Variants in UBALD1 observed in about 807,000 individuals in gnomAD.
The protein encoded by UBALD1 is UBA-like domain-containing protein 1.
Under a neutral mutation model 16.1 loss-of-function variants are expected in UBALD1, and 5 were observed. The ratio of observed to expected loss-of-function variants is 0.31; its 90% confidence interval spans 0.16 to 0.66. The LOEUF is 0.66. Ranked by LOEUF, UBALD1 falls within the 30% of genes least tolerant of loss-of-function variation. The probability of loss-of-function intolerance (pLI) is 0.77; values close to 1 mark genes in which losing one functional copy is unlikely to be tolerated. For missense variants in UBALD1, 220 were observed against 252.8 expected, an observed-to-expected ratio of 0.87 and a Z score of 0.88; for synonymous variants, 146 against 105.3, an observed-to-expected ratio of 1.39 and a Z score of -2.37.
Position 4,609,960 on chromosome 16 carries a change from A to G in UBALD1, c.207T>C (p.Pro69=). ...CGTCAGGGAAGTTGGGGGGTGTAGC[A>G]GGGGTATTGGCGGGGGTGCACATCT... ...HQMMCTPANT[P]ATPPNFPDAL... is the part of the protein sequence containing the mutation. Residue 69 remains proline (P), a synonymous_variant, in exon 3 of 3, where the codon CCT becomes CCC. Transcript: ENST00000283474. 6.5e-7 allele frequency: 1 copy of G among 1,541,864 alleles called. No homozygotes were observed. The highest frequency in any genetic ancestry group is 2.3e-5 in the East Asian group (1 of 43,402).
intron 1 of UBALD1, 83 bp from the exon 2 acceptor site, chr16:4,610,638 G>C: frequency 4.0e-6 from 6 of 1,499,192 alleles, no homozygotes; most frequent in Non-Finnish European, 5.4e-6. Flanking sequence ...CTCTGAGGCT[G>C]GGGATGACCC....
chr16:4,609,533 A>T lies in UBALD1; in HGVS notation c.*100T>A. ...GCTCTCCCCTCCAGGGCTCCGGGGA[A>T]CAAGGGGTGCAGACAGAAAAGGGGT... On this transcript the variant is annotated 3_prime_UTR_variant, in exon 3 of 3. Transcript: ENST00000283474. 2.0e-6 allele frequency: 1 copy of T among 496,892 alleles called. No individual in the cohort carries two copies. The highest frequency in any genetic ancestry group is 4.0e-5 in the Admixed American group (1 of 24,996). The allele number at this position is 496,892 out of a possible 1,614,324, so 30.8% of individuals were successfully genotyped here. A position where few individuals can be genotyped will look rare whatever the true frequency, so the allele number is the denominator to read the frequency against.
In UBALD1 at chr16:4,609,764, G is replaced by A; in HGVS notation, c.403C>T (p.Gln135Ter). 6.6e-7 allele frequency: 1 copy of A among 1,507,262 alleles called. No homozygotes were observed. The allele number at this position is 1,507,262 out of a possible 1,614,324, so 93.4% of individuals were successfully genotyped here. The change falls in exon 3 of 3, where the codon CAG (glutamine) becomes TAG (stop). Residue 135 changes from glutamine (Q) to a stop codon, truncating the protein, a stop_gained. Transcript: ENST00000283474. LOFTEE classifies it high-confidence loss of function. ...PTAASPPGGPQHHQPQPPLWT... is the reference protein window; with the variant it reads ...PTAASPPGGP ...AGGGGCGGCTGTGGCTGGTGGTGCT[G>A]TGGGCCCCCCGGGGGCGAGGCCGCC...
chr16:4,609,416 C>T lies in UBALD1; in HGVS notation c.*217G>A. The T allele has an allele frequency of 2.5e-6, 1 of 397,674 alleles. No homozygotes were observed. The highest frequency in any genetic ancestry group is 3.6e-5 in the East Asian group (1 of 27,702). 24.6% of individuals were successfully genotyped at this position (397,674 alleles called of 1,614,324 possible). ...CAGGCACCCAGGCCGCGCTGAACCACTCCATGTGCCGGGGCCGCTGGGGCC... is the reference window on the plus strand; with the variant it reads ...CAGGCACCCAGGCCGCGCTGAACCATTCCATGTGCCGGGGCCGCTGGGGCC... On this transcript the variant is annotated 3_prime_UTR_variant, in exon 3 of 3. Coordinates refer to ENST00000283474, the MANE Select transcript of UBALD1 (RefSeq NM_145253.3).
In UBALD1 at chr16:4,608,907, T is replaced by G. The variant is rs1897321651; in HGVS notation, c.*726A>C. On this transcript the variant is annotated 3_prime_UTR_variant, in exon 3 of 3. Coordinates refer to ENST00000283474, the MANE Select transcript of UBALD1 (RefSeq NM_145253.3). ...AGTGGTTTGGAATTCGTTCTTCTCT[T>G]TTGTTAAAAGGGGGAAAGGAAGTGG... 6.6e-6 allele frequency: 1 copy of G among 152,092 alleles called. No individual in the cohort carries two copies. The highest frequency in any genetic ancestry group is 1.5e-5 in the Non-Finnish European group (1 of 68,056). 9.4% of individuals were successfully genotyped at this position (152,092 alleles called of 1,614,324 possible).
chr16:4,610,651 GC>G (rs1278927161), intron 1 of UBALD1, 96 bp from the exon 2 acceptor site: 1 of 1,388,338 alleles, frequency 7.2e-7, no homozygotes, highest in East Asian at 2.4e-5. Context: ...GATGACCCTG[GC>G]TGGACTGCTG....
At chr16:4,612,891 C>T (rs1897375261) in intron 1 of UBALD1, among the ~76,000 whole-genome samples, 1 of 151,784 alleles carries the variant, frequency 6.6e-6, no homozygotes, top group Non-Finnish European at 1.5e-5. Flanking sequence ...CCCATGGGGA[C>T]CCTGGGAGCC....
intron 2 of UBALD1, 183 bp from the exon 3 acceptor site, chr16:4,610,166 GC>G: frequency 1.4e-6 from 1 of 724,836 alleles, no homozygotes; most frequent in Non-Finnish European, 2.5e-6. Context: ...AACCGACCCA[GC>G]CTCACTCTCA....
chr16:4,610,637 T>A, intron 1 of UBALD1, 82 bp from the exon 2 acceptor site: 1 of 1,499,044 alleles, frequency 6.7e-7, no homozygotes. Context: ...CCTCTGAGGC[T>A]GGGGATGACC....
chr16:4,614,118 C>G (rs1194496584), intron 1 of UBALD1: 1 of 186,732 alleles, frequency 5.4e-6, no homozygotes, highest in Non-Finnish European at 1.1e-5. Context: ...CCAAACGCAC[C>G]AGGGGGCTGC....
At chr16:4,612,019 G>A (rs914607547) in intron 1 of UBALD1, among the ~76,000 whole-genome samples, 6 of 151,832 alleles carry the variant, frequency 4.0e-5, no homozygotes, top group Non-Finnish European at 5.9e-5. Flanking sequence ...CCTGGCTCCT[G>A]GGGCCTGCCC....
chr16:4,614,801 G>T lies in UBALD1; in HGVS notation c.-4C>A. 6.7e-7 allele frequency: 1 copy of T among 1,499,528 alleles called. No homozygotes were observed. Among genetic ancestry groups the T allele is most frequent in the Non-Finnish European group, 8.9e-7 (1 of 1,124,082 alleles). The allele number at this position is 1,499,528 out of a possible 1,614,324, so 92.9% of individuals were successfully genotyped here. A position where few individuals can be genotyped will look rare whatever the true frequency, so the allele number is the denominator to read the frequency against. On this transcript the variant is annotated 5_prime_UTR_variant, in exon 1 of 3. Transcript: ENST00000283474. ...GCTCGTCCATGTTCACGGACATGGC[G>T]CCGCCGCGCTGCCCGCTCCGGCCTC...
In UBALD1 at chr16:4,610,489, T is replaced by C; in HGVS notation, c.183+4A>G. On this transcript the variant is annotated splice_donor_region_variant and intron_variant, in intron 2 of 2. Coordinates refer to ENST00000283474, the MANE Select transcript of UBALD1 (RefSeq NM_145253.3). ...CCAGAACTGGGGACTCCGGGGACAC[T>C]TACCATCTGGTGGTGATGGTGGCTG... 1 of 1,604,134 alleles carries C rather than the reference T, an allele frequency of 6.2e-7. No individual in the cohort carries two copies. Among genetic ancestry groups the C allele is most frequent in the Non-Finnish European group, 8.5e-7 (1 of 1,174,886 alleles).
Position 4,609,676 on chromosome 16 carries a change from G to A in UBALD1, c.491C>T (p.Thr164Ile). 1 of 1,468,232 alleles carries A rather than the reference G, an allele frequency of 6.8e-7. No individual in the cohort carries two copies. The highest frequency in any genetic ancestry group is 9.0e-7 in the Non-Finnish European group (1 of 1,111,578). 91.0% of individuals were successfully genotyped at this position (1,468,232 alleles called of 1,614,324 possible). A position where few individuals can be genotyped will look rare whatever the true frequency, so the allele number is the denominator to read the frequency against. Residue 164 changes from threonine (T) to isoleucine (I), a missense_variant, in exon 3 of 3, where the codon ACC (threonine) becomes ATC (isoleucine). Coordinates refer to ENST00000283474, the MANE Select transcript of UBALD1 (RefSeq NM_145253.3). ...GGCAGGGTGGGCCCTGGGTTCTGAG[G>A]TGGCCTGTTGGGGGGCCAGGGGTGG... ...DWPPLAPQQA[T>I]SEPRAHPAME...
chr16:4,614,718 T>C lies in UBALD1; in HGVS notation c.80A>G (p.Gln27Arg). 1 of 1,558,828 alleles carries C rather than the reference T, an allele frequency of 6.4e-7. No homozygotes were observed. The highest frequency in any genetic ancestry group is 8.7e-7 in the Non-Finnish European group (1 of 1,155,312). ...FVLTAGCAAD[Q>R]AKQLLQAAHW... ...GGCCGCCTGCAGCAGTTGCTTCGCCTGGTCGGCCGCGCAGCCCGCCGTCAG... is the reference window on the plus strand; with the variant it reads ...GGCCGCCTGCAGCAGTTGCTTCGCCCGGTCGGCCGCGCAGCCCGCCGTCAG... Residue 27 changes from glutamine to arginine, a missense_variant, in exon 1 of 3, where the codon CAG becomes CGG. Gln to Arg is a conservative substitution (Grantham distance 43). Transcript: ENST00000283474.
intron 1 of UBALD1, chr16:4,614,419 G>C: frequency 4.5e-6 from 2 of 449,302 alleles, no homozygotes; most frequent in Non-Finnish European, 7.5e-6. Context: ...GGTGGGGGGG[G>C]TCCCCGTCTC....
At position 4,610,316 on chromosome 16, in the gene UBALD1, C is replaced by T. The variant is rs1414269275; in HGVS notation, c.183+177G>A. 4.1e-6 allele frequency: 3 copies of T among 739,846 alleles called. No individual in the cohort carries two copies. The South Asian group carries it at 4.7e-5, about 12-fold the overall frequency. 45.8% of individuals were successfully genotyped at this position (739,846 alleles called of 1,614,324 possible). ...CCCCAGGTCTCAGGGGGAGCTGGCACAGGCAAGATTAAGTGCAGGACCCAC... is the reference window on the plus strand; with the variant it reads ...CCCCAGGTCTCAGGGGGAGCTGGCATAGGCAAGATTAAGTGCAGGACCCAC... On this transcript the variant is annotated intron_variant, in intron 2 of 2. Transcript: ENST00000283474.
Sources: allele counts gnomAD v4.1 joint callset (sites outside exome capture counted in the v4.1 genomes callset), GRCh38; gene constraint gnomAD v4.1.1; transcripts MANE v1.5; gene names NCBI Gene and HGNC (gene_info 2026-07-23, HGNC 2026-07-21).